Variants in CACNA1E observed in about 807,000 individuals in gnomAD.
The protein encoded by CACNA1E is calcium voltage-gated channel subunit alpha1 E, also known as voltage-dependent R-type calcium channel subunit alpha-1E.
A neutral mutation model predicts 259.2 loss-of-function variants in CACNA1E; 40 were observed. That is an observed-to-expected ratio of 0.15 (90% CI 0.12 to 0.20). CACNA1E has a LOEUF of 0.20. Ranked by LOEUF, CACNA1E falls within the 10% of genes least tolerant of loss-of-function variation. The probability of loss-of-function intolerance (pLI) is 1.00; values close to 1 mark genes in which losing one functional copy is unlikely to be tolerated. For missense variants in CACNA1E, 1,874 were observed against 3,040.1 expected, an observed-to-expected ratio of 0.62 and a Z score of 9.02; for synonymous variants, 1,104 against 1,138.5, an observed-to-expected ratio of 0.97 and a Z score of 0.61.
chr1:181,753,931 C>A (rs966617723), intron 27 of CACNA1E, among the ~76,000 whole-genome samples: 1 of 152,210 alleles, frequency 6.6e-6, no homozygotes, highest in African/African-American at 2.4e-5. Flanking sequence ...GAGAGACACC[C>A]ATGCTCCCAA....
chr1:181,352,337 G>A (rs1024756922), intron 1 of CACNA1E, among the ~76,000 whole-genome samples: 2 of 152,146 alleles, frequency 1.3e-5, no homozygotes, highest in African/African-American at 4.8e-5. Flanking sequence ...TGGGTGGGGA[G>A]GGGTGAGTAC....
chr1:181,555,709 A>G (rs1167573890), intron 3 of CACNA1E, among the ~76,000 whole-genome samples: 1 of 152,222 alleles, frequency 6.6e-6, no homozygotes, highest in Non-Finnish European at 1.5e-5. Flanking sequence ...GATGTGATCC[A>G]CTATGTTGTA....
At chr1:181,399,540 G>C (rs1012223918) in intron 1 of CACNA1E, among the ~76,000 whole-genome samples, 5 of 152,226 alleles carry the variant, frequency 3.3e-5, no homozygotes, top group African/African-American at 1.2e-4. Flanking sequence ...TTGCTTGGGT[G>C]GTGGGGGAAA....
At chr1:181,359,554 A>G (rs959490231) in intron 1 of CACNA1E, among the ~76,000 whole-genome samples, 1 of 152,130 alleles carries the variant, frequency 6.6e-6, no homozygotes, top group African/African-American at 2.4e-5. Context: ...AGGCCATTGT[A>G]AGCGGGTGGG....
chr1:181,561,418 A>G (rs1182065746), intron 3 of CACNA1E, among the ~76,000 whole-genome samples: 1 of 152,036 alleles, frequency 6.6e-6, no homozygotes, highest in African/African-American at 2.4e-5. Flanking sequence ...TATTTCTATC[A>G]CCCCCCAAAT....
chr1:181,759,006 A>G lies in CACNA1E; in HGVS notation c.4605+138A>G. 5.0e-6 allele frequency: 3 copies of G among 603,044 alleles called. No individual in the cohort carries two copies. In the East Asian group the frequency reaches 8.3e-5, roughly 17 times the overall value. The allele number at this position is 603,044 out of a possible 1,614,324, so 37.4% of individuals were successfully genotyped here. ...TGTGGGCTCGTTTTGACTGCTCAGT[A>G]AACTGCCGTAGAGACAAGATGATGT... On this transcript the variant is annotated intron_variant, in intron 32 of 47. Coordinates refer to ENST00000367573, the MANE Select transcript of CACNA1E (RefSeq NM_001205293.3).
At chr1:181,693,083 C>T (rs932554786) in intron 7 of CACNA1E, among the ~76,000 whole-genome samples, 6 of 140,954 alleles carry the variant, frequency 4.3e-5, no homozygotes, top group African/African-American at 1.1e-4. Flanking sequence ...GAATCAAAAC[C>T]GCAATGAGAT....
chr1:181,544,020 T>C (rs1668792361), intron 3 of CACNA1E, among the ~76,000 whole-genome samples: 1 of 152,224 alleles, frequency 6.6e-6, no homozygotes, highest in Non-Finnish European at 1.5e-5. Flanking sequence ...TGTGCATTAA[T>C]GTCCATAGCA....
At chr1:181,465,583 A>T (rs1662104427) in intron 2 of CACNA1E, among the ~76,000 whole-genome samples, 2 of 151,744 alleles carry the variant, frequency 1.3e-5, no homozygotes. Flanking sequence ...GTTTACTGAC[A>T]CTCTCCTTAG....
chr1:181,372,442 G>C (rs1288908393), intron 1 of CACNA1E, among the ~76,000 whole-genome samples: 1 of 152,070 alleles, frequency 6.6e-6, no homozygotes, highest in Non-Finnish European at 1.5e-5. Context: ...TTTGTACATT[G>C]ATTTCATATC....
rs149269065 is a variant in CACNA1E, at chr1:181,789,987, G to A, written c.5787-458G>A. 5.9e-3 allele frequency among the ~76,000 whole-genome samples: 906 copies of A among 152,280 alleles called. 13 individuals carry two copies. The highest frequency in any genetic ancestry group is 0.021 in the African/African-American group (856 of 41,552). On this transcript the variant is annotated intron_variant, in intron 43 of 47. Coordinates refer to ENST00000367573, the MANE Select transcript of CACNA1E (RefSeq NM_001205293.3). ...AATGGCAATGGAATTGGACTTAATTGTTTAGTTTGGCCAGGGATGTTGGCG... is the reference window on the plus strand; with the variant it reads ...AATGGCAATGGAATTGGACTTAATTATTTAGTTTGGCCAGGGATGTTGGCG...
chr1:181,317,757 C>G (rs931439721), exon 1 of CACNA1E: 6 of 152,016 alleles, frequency 3.9e-5, no homozygotes, highest in African/African-American at 1.5e-4. Context: ...GGATATAGCT[C>G]TCTTCCCTCC....
intron 2 of CACNA1E, among the ~76,000 whole-genome samples, chr1:181,437,745 C>T (rs1279550663): frequency 2.0e-5 from 3 of 152,112 alleles, no homozygotes; most frequent in Admixed American, 6.6e-5. Context: ...CTGCTATACC[C>T]CTGATGTAGG....
In CACNA1E at chr1:181,800,551, C is replaced by T. The variant is rs1384004478; in HGVS notation, c.*1717C>T. 1.3e-5 allele frequency: 2 copies of T among 152,612 alleles called. No homozygotes were observed. Among genetic ancestry groups the T allele is most frequent in the Non-Finnish European group, 2.9e-5 (2 of 68,164 alleles). The allele number at this position is 152,612 out of a possible 1,614,324, so 9.5% of individuals were successfully genotyped here. ...TGCCATCACAGCAGGTGAATGGGTG[C>T]CCTACGGGGCCCTCCTTCCCCCACC... is the stretch of plus-strand genomic sequence containing the variant. On this transcript the variant is annotated 3_prime_UTR_variant, in exon 48 of 48. Transcript: ENST00000367573.
intron 1 of CACNA1E, among the ~76,000 whole-genome samples, chr1:181,395,640 ACCT>A (rs1315501913): frequency 6.6e-6 from 1 of 152,156 alleles, no homozygotes; most frequent in African/African-American, 2.4e-5. Context: ...GGTACCAAGA[ACCT>A]CCTCCTGGGT....
chr1:181,426,472 C>G (rs1014821098), intron 2 of CACNA1E, among the ~76,000 whole-genome samples: 2 of 150,858 alleles, frequency 1.3e-5, no homozygotes, highest in Admixed American at 6.6e-5. Flanking sequence ...CAACTCAACC[C>G]CTTCCCATCT....
intron 1 of CACNA1E, among the ~76,000 whole-genome samples, chr1:181,340,770 C>T (rs182212530): frequency 2.2e-4 from 33 of 152,244 alleles, no homozygotes; most frequent in Middle Eastern, 3.4e-3. Flanking sequence ...GAGTGTCCCT[C>T]AAGGAAAAAT....
At chr1:181,697,631 G>A (rs1033318447) in intron 7 of CACNA1E, among the ~76,000 whole-genome samples, 6 of 152,112 alleles carry the variant, frequency 3.9e-5, no homozygotes, top group African/African-American at 1.4e-4. Flanking sequence ...AAATGCATTT[G>A]TTTATAAAAA....
intron 2 of CACNA1E, among the ~76,000 whole-genome samples, chr1:181,444,011 T>C (rs940012777): frequency 6.6e-6 from 1 of 152,228 alleles, no homozygotes; most frequent in Non-Finnish European, 1.5e-5. Context: ...TTCCTTTAAT[T>C]CCTTGAATTC....
Sources: allele counts gnomAD v4.1 joint callset (sites outside exome capture counted in the v4.1 genomes callset), GRCh38; gene constraint gnomAD v4.1.1; transcripts MANE v1.5; gene names NCBI Gene and HGNC (gene_info 2026-07-23, HGNC 2026-07-21).